ZNF385D: variants seen among roughly 807,000 people sequenced by gnomAD.
ZNF385D encodes the protein zinc finger protein 385D.
ZNF385D carries 15 observed loss-of-function variants against 35.8 expected under a neutral mutation model. That is an observed-to-expected ratio of 0.42 (90% confidence interval 0.28 to 0.64). ZNF385D has a LOEUF of 0.64. Among genes scored for constraint, ZNF385D ranks in the 30% least tolerant of loss-of-function variants. The pLI, the probability that ZNF385D is intolerant of heterozygous loss-of-function variation, is 0.23. For missense variants in ZNF385D, 474 were observed against 494.6 expected, an observed-to-expected ratio of 0.96 and a Z score of 0.39; for synonymous variants, 212 against 186.8, an observed-to-expected ratio of 1.13 and a Z score of -1.10.
At chr3:22,092,604 C>T (rs1006671150) in intron 3 of ZNF385D, among the ~76,000 whole-genome samples, 2 of 152,112 alleles carry the variant, frequency 1.3e-5, no homozygotes, top group Non-Finnish European at 2.9e-5. Flanking sequence ...GTTCCAGACC[C>T]TCTTGCTTCT....
At chr3:21,505,650 A>T (rs1375995403) in intron 4 of ZNF385D, among the ~76,000 whole-genome samples, 2 of 152,058 alleles carry the variant, frequency 1.3e-5, no homozygotes, top group Non-Finnish European at 2.9e-5. Flanking sequence ...CAAGAAATCG[A>T]CTTCAGTAAC....
chr3:21,728,481 A>G (rs544915260), intron 1 of ZNF385D, among the ~76,000 whole-genome samples: 2 of 152,254 alleles, frequency 1.3e-5, no homozygotes, highest in South Asian at 4.1e-4. Flanking sequence ...AAGGCATTCA[A>G]TTAAAAAACT....
chr3:21,567,622 T>C (rs992126431), intron 2 of ZNF385D, among the ~76,000 whole-genome samples: 1 of 152,116 alleles, frequency 6.6e-6, no homozygotes, highest in Non-Finnish European at 1.5e-5. Context: ...AGATGCCTTA[T>C]CATGTTCTCT....
intron 3 of ZNF385D, among the ~76,000 whole-genome samples, chr3:22,003,081 C>A (rs1484472783): frequency 1.3e-5 from 2 of 152,128 alleles, no homozygotes; most frequent in Non-Finnish European, 2.9e-5. Context: ...CCAGAGCAAT[C>A]AGTCAAGATA....
chr3:21,951,355 A>AT (rs544228949), intron 3 of ZNF385D, among the ~76,000 whole-genome samples: 91 of 151,610 alleles, frequency 6.0e-4, no homozygotes, highest in Non-Finnish European at 1.1e-3. Flanking sequence ...ATTGTCTATT[A>AT]TTGGTGTATA....
chr3:22,127,319 T>G (rs1189498317), intron 3 of ZNF385D, among the ~76,000 whole-genome samples: 1 of 7,900 alleles, frequency 1.3e-4, no homozygotes, highest in Admixed American at 2.1e-3. Context: ...ATTTCCTGCT[T>G]TTTTTTTTTT....
chr3:21,771,683 G>C (rs997222527), intron 3 of ZNF385D, among the ~76,000 whole-genome samples: 2 of 151,858 alleles, frequency 1.3e-5, no homozygotes, highest in African/African-American at 4.8e-5. Flanking sequence ...GCCAGGAAGA[G>C]CATCTTCCCG....
chr3:22,016,198 C>T (rs555200694), intron 3 of ZNF385D, among the ~76,000 whole-genome samples: 1 of 151,502 alleles, frequency 6.6e-6, no homozygotes, highest in East Asian at 1.9e-4. Flanking sequence ...GGACATTTCA[C>T]AATGTCTGGA....
intron 2 of ZNF385D, among the ~76,000 whole-genome samples, chr3:22,217,196 A>G (rs777747359): frequency 2.6e-5 from 4 of 152,074 alleles, no homozygotes; most frequent in Non-Finnish European, 5.9e-5. Flanking sequence ...AAATTGGAAT[A>G]CAACTTGATC....
intron 1 of ZNF385D, among the ~76,000 whole-genome samples, chr3:21,674,915 G>C (rs532707534): frequency 2.5e-4 from 37 of 150,804 alleles, no homozygotes; most frequent in Admixed American, 6.7e-4. Context: ...TGGATGGATG[G>C]ATGGATGGAT....
chr3:22,313,232 C>T (rs957466330), intron 2 of ZNF385D, among the ~76,000 whole-genome samples: 2 of 141,236 alleles, frequency 1.4e-5, no homozygotes, highest in African/African-American at 5.4e-5. Context: ...GGGAACATCA[C>T]ACACCAGGGA....
intron 3 of ZNF385D, among the ~76,000 whole-genome samples, chr3:21,971,079 A>G (rs1326600957): frequency 1.3e-5 from 2 of 152,110 alleles, no homozygotes; most frequent in Non-Finnish European, 2.9e-5. Context: ...GAGCTCTTCA[A>G]TTTGAAAGAA....
intron 2 of ZNF385D, among the ~76,000 whole-genome samples, chr3:22,184,908 T>C (rs988017327): frequency 6.6e-6 from 1 of 152,180 alleles, no homozygotes; most frequent in African/African-American, 2.4e-5. Flanking sequence ...TTTTTAAAAT[T>C]TGTAGTGATG....
upstream of ZNF385D, among the ~76,000 whole-genome samples, chr3:21,752,423 G>C (rs949618042): frequency 2.0e-5 from 3 of 151,882 alleles, no homozygotes; most frequent in Admixed American, 6.6e-5. Flanking sequence ...TCTACATTTT[G>C]ATATTAAAAT....
At chr3:21,993,727 A>G (rs188626375) in intron 3 of ZNF385D, among the ~76,000 whole-genome samples, 5 of 152,196 alleles carry the variant, frequency 3.3e-5, no homozygotes, top group Admixed American at 2.6e-4. Context: ...CTACTAATAC[A>G]AAAACATTCC....
rs149307830 is a variant in ZNF385D at position 22,289,175 on chromosome 3, C to T, written c.106+83275G>A. 7.6e-4 allele frequency among the ~76,000 whole-genome samples: 116 copies of T among 152,202 alleles called. 1 individual carries two copies. In the East Asian group the frequency reaches 0.015, roughly 20 times the overall value. Reference sequence around the variant, plus strand: ...GCCTGCATTCTCCTTCCTACTATACCCTTTGATTCTGGCAGAATATTTTCT... The same window carrying T: ...GCCTGCATTCTCCTTCCTACTATACTCTTTGATTCTGGCAGAATATTTTCT... On this transcript the variant is annotated intron_variant, in intron 2 of 5. Coordinates refer to the ZNF385D transcript ENST00000494108.
At chr3:21,986,631 A>G (rs939440278) in intron 3 of ZNF385D, among the ~76,000 whole-genome samples, 23 of 147,598 alleles carry the variant, frequency 1.6e-4, no homozygotes, top group Non-Finnish European at 2.4e-4. Context: ...GTGCTGAAAA[A>G]AATGTATATT....
intron 3 of ZNF385D, among the ~76,000 whole-genome samples, chr3:22,021,783 A>G (rs186489287): frequency 2.6e-5 from 4 of 152,154 alleles, no homozygotes; most frequent in Admixed American, 2.0e-4. Flanking sequence ...AAACTTGTCT[A>G]TATCTTGGAA....
intron 2 of ZNF385D, among the ~76,000 whole-genome samples, chr3:22,188,871 C>T (rs925940325): frequency 6.6e-6 from 1 of 152,004 alleles, no homozygotes; most frequent in Non-Finnish European, 1.5e-5. Context: ...TTAGGACTGG[C>T]AGTTCAGCTC....
Sources: gnomAD v4.1 joint callset for allele counts (sites outside exome capture counted in the v4.1 genomes callset) on GRCh38, gnomAD v4.1.1 for gene constraint, MANE v1.5 for transcripts, NCBI Gene and HGNC (gene_info 2026-07-23, HGNC 2026-07-21) for gene names.